The following RNF11 variants were observed in gnomAD, a reference collection of about 807,000 sequenced individuals.
RNF11 encodes the protein ring finger protein 11.
A neutral mutation model predicts 15.8 loss-of-function variants in RNF11; 4 were observed. The ratio of observed to expected loss-of-function variants is 0.25; its 90% CI spans 0.12 to 0.58. RNF11 has a LOEUF of 0.58. Among genes scored for constraint, RNF11 ranks in the 20% least tolerant of loss-of-function variants. The pLI is 0.91. For synonymous variants in RNF11, 68 were observed against 72.3 expected (o/e 0.94, Z 0.30); for missense variants, 139 against 194.4 (o/e 0.71, Z 1.70).
intron 2 of RNF11, 62 bp from the exon 3 acceptor site, chr1:51,271,089 G>C (rs1646975840): frequency 7.3e-7 from 1 of 1,369,108 alleles, no homozygotes; most frequent in Admixed American, 1.7e-5. Context: ...GGGATTTAAA[G>C]AGTTTTCTGA....
At chr1:51,252,899 T>G (rs996058135) in intron 1 of RNF11, among the ~76,000 whole-genome samples, 1 of 151,492 alleles carries the variant, frequency 6.6e-6, no homozygotes, top group Non-Finnish European at 1.5e-5. Context: ...CGATCTTGGC[T>G]CACTGCAACC....
At chr1:51,257,337 G>C (rs924121126) in intron 1 of RNF11, among the ~76,000 whole-genome samples, 5 of 152,240 alleles carry the variant, frequency 3.3e-5, no homozygotes, top group Admixed American at 6.5e-5. Context: ...CCTCCTGGAA[G>C]CACTCACGTG....
intron 1 of RNF11, among the ~76,000 whole-genome samples, chr1:51,241,411 GACTACAGGGTTAC>G (rs1646828713): frequency 6.6e-6 from 1 of 152,208 alleles, no homozygotes; most frequent in Non-Finnish European, 1.5e-5. Context: ...GAGTAGCTGG[GACTACAGGGTTAC>G]ACCACCGTGT....
chr1:51,270,669 T>C (rs138183250), intron 2 of RNF11, among the ~76,000 whole-genome samples: 79 of 152,336 alleles, frequency 5.2e-4, no homozygotes, highest in African/African-American at 1.8e-3. Context: ...ATGAAAATTA[T>C]CTTACTCTAG....
chr1:51,267,900 T>C (rs555608610), intron 1 of RNF11, among the ~76,000 whole-genome samples: 1 of 152,288 alleles, frequency 6.6e-6, no homozygotes, highest in African/African-American at 2.4e-5. Flanking sequence ...CCAGCTAATT[T>C]TAGTATTTTT....
At chr1:51,246,221 C>T (rs1215687702) in intron 1 of RNF11, among the ~76,000 whole-genome samples, 2 of 151,868 alleles carry the variant, frequency 1.3e-5, no homozygotes, top group South Asian at 2.1e-4. Flanking sequence ...GGCTAGGTTG[C>T]GCTGTTGCAC....
Position 51,267,253 on chromosome 1 carries a change from A to ATTTATTTTTCATTTGT in RNF11, c.124-2699_124-2684dup, listed in dbSNP as rs1347870075. Reference sequence around the variant, plus strand: ...CTGAAATAGGCTAATCAAAATATTTATTTATTTTTCATTTGTTTTCAGCTG... The same window carrying ATTTATTTTTCATTTGT: ...CTGAAATAGGCTAATCAAAATATTTATTTATTTTTCATTTGTTTTATTTTTCATTTGTTTTCAGCTG... On this transcript the variant is annotated intron_variant, in intron 1 of 2. Transcript: ENST00000242719. Among the ~76,000 whole-genome samples the ATTTATTTTTCATTTGT allele has an allele frequency of 2.0e-5, 3 of 152,268 alleles. No homozygotes were observed. The East Asian group carries it at 5.8e-4, about 29-fold the overall frequency.
intron 1 of RNF11, among the ~76,000 whole-genome samples, chr1:51,249,986 C>T (rs1248230990): frequency 1.3e-5 from 2 of 152,166 alleles, no homozygotes; most frequent in Non-Finnish European, 2.9e-5. Flanking sequence ...ACCTATTCGT[C>T]GTTCTTCTGT....
chr1:51,250,707 T>C, intron 1 of RNF11: 2 of 1,232,868 alleles, frequency 1.6e-6, no homozygotes, highest in African/African-American at 1.5e-5. Flanking sequence ...AAATACAGTC[T>C]CCTTCCAGAG....
At position 51,237,941 on chromosome 1, in the gene RNF11, C is replaced by G. The variant is rs58297941; in HGVS notation, c.123+1062C>G. On this transcript the variant is annotated intron_variant, in intron 1 of 2. Coordinates refer to ENST00000242719, the MANE Select transcript of RNF11 (RefSeq NM_014372.5). Reference sequence around the variant, plus strand: ...TTCTCATTCCTGTGTAAACCAATGTCTCATCACACCAGAAAAACCTGATCA... The same window carrying G: ...TTCTCATTCCTGTGTAAACCAATGTGTCATCACACCAGAAAAACCTGATCA... Among the ~76,000 whole-genome samples the G allele has an allele frequency of 4.0e-3, 606 of 152,198 alleles. 5 individuals are homozygous for G. Among genetic ancestry groups the G allele is most frequent in the African/African-American group, 0.014 (580 of 41,504 alleles).
intron 1 of RNF11, among the ~76,000 whole-genome samples, chr1:51,266,420 G>A (rs1370401485): frequency 1.4e-5 from 2 of 147,968 alleles, no homozygotes; most frequent in African/African-American, 5.0e-5. Context: ...TTTTCTTTTT[G>A]AGACAGCAGT....
chr1:51,251,217 A>G (rs1646876051), intron 1 of RNF11: 3 of 1,362,628 alleles, frequency 2.2e-6, no homozygotes, highest in African/African-American at 2.8e-5. Context: ...TGATTCCTTA[A>G]TGGGCAGGGA....
chr1:51,249,017 G>GA (rs1646865420), intron 1 of RNF11, among the ~76,000 whole-genome samples: 1 of 152,168 alleles, frequency 6.6e-6, no homozygotes, highest in African/African-American at 2.4e-5. Flanking sequence ...AAGTATATGG[G>GA]AGGGTGTACA....
In RNF11 at chr1:51,252,081, C is replaced by CAA. The variant is rs928146865; in HGVS notation, c.123+15222_123+15223dup. On this transcript the variant is annotated intron_variant, in intron 1 of 2. Transcript: ENST00000242719. ...GACAGAGCAAGACTCCATCTCAAAG[C>CAA]AAAAAAAAAAAAAAAAAAAAAGAAA... 1.3e-3 allele frequency among the ~76,000 whole-genome samples: 70 copies of CAA among 53,614 alleles called. 1 individual carries two copies. Among genetic ancestry groups the CAA allele is most frequent in the East Asian group, 1.3e-3 (2 of 1,598 alleles). The allele number at this position is 53,614 out of a possible 152,430, so 35.2% of individuals were successfully genotyped here. A position where few individuals can be genotyped will look rare whatever the true frequency, so the allele number is the denominator to read the frequency against.
chr1:51,259,161 A>G (rs559392075), intron 1 of RNF11, among the ~76,000 whole-genome samples: 12 of 152,328 alleles, frequency 7.9e-5, no homozygotes, highest in African/African-American at 2.6e-4. Context: ...GGTTGTCACA[A>G]TGTGGCAGGG....
At chr1:51,264,735 G>A (rs1234959869) in intron 1 of RNF11, among the ~76,000 whole-genome samples, 1 of 152,078 alleles carries the variant, frequency 6.6e-6, no homozygotes. Flanking sequence ...GCTATTTCCA[G>A]CCTCAGCACA....
At chr1:51,260,369 T>G (rs868105468) in intron 1 of RNF11, among the ~76,000 whole-genome samples, 12 of 152,218 alleles carry the variant, frequency 7.9e-5, no homozygotes, top group African/African-American at 2.9e-4. Context: ...TTAAAATTTT[T>G]TAGGGTGTGT....
rs868130986 is a variant in RNF11, at chr1:51,245,533, C to G, written c.123+8654C>G. ...GTGGTGCAGTCTCAGCCCACTGCAA[C>G]TTCTGCCACCTGGGTTCAAGCGATT... On this transcript the variant is annotated intron_variant, in intron 1 of 2. Transcript: ENST00000242719. Among the ~76,000 whole-genome samples, 3 of 152,040 alleles carry G rather than the reference C, an allele frequency of 2.0e-5. No individual in the cohort carries two copies. The South Asian group carries it at 6.2e-4, about 32-fold the overall frequency.
At chr1:51,251,546 T>C (rs1005582473) in intron 1 of RNF11, 19 of 573,092 alleles carry the variant, frequency 3.3e-5, no homozygotes, top group Non-Finnish European at 4.3e-5. Context: ...TTTTGAAATA[T>C]CAAAAAATTA....
Sources: gnomAD v4.1 joint callset for allele counts (sites outside exome capture counted in the v4.1 genomes callset) on GRCh38, gnomAD v4.1.1 for gene constraint, MANE v1.5 for transcripts, NCBI Gene and HGNC (gene_info 2026-07-23, HGNC 2026-07-21) for gene names.